TMED3: variants seen among roughly 807,000 people sequenced by gnomAD.
TMED3 encodes the protein transmembrane emp24 domain-containing protein 3.
Under a neutral mutation model 15.0 loss-of-function variants are expected in TMED3, and 9 were observed. The ratio of observed to expected loss-of-function variants is 0.60; its 90% confidence interval spans 0.36 to 1.04. TMED3 has a LOEUF of 1.04. Ranked by LOEUF, TMED3 falls within the 50% of genes least tolerant of loss-of-function variation. The pLI is 0.01. For missense variants in TMED3, 267 were observed against 278.9 expected (o/e 0.96, Z 0.30); for synonymous variants, 117 against 121.4 (o/e 0.96, Z 0.24).
chr15:79,378,637 CTTTCTA>C, intron 2 of TMED3, among the ~76,000 whole-genome samples: 1 of 152,280 alleles, frequency 6.6e-6, no homozygotes, highest in Middle Eastern at 3.4e-3. Context: ...CTAGGGAGGA[CTTTCTA>C]CTATAGGATG....
intron 2 of TMED3, among the ~76,000 whole-genome samples, chr15:79,411,048 C>T (rs891030684): frequency 6.6e-6 from 1 of 152,124 alleles, no homozygotes; most frequent in Non-Finnish European, 1.5e-5. Context: ...AAGAAATTTT[C>T]AGAATTCCAG....
Position 79,411,487 on chromosome 15 carries a change from C to T in TMED3, c.505C>T (p.Arg169Ter), listed in dbSNP as rs143954683. ...AACACCTGCCACCGAGGGACTGGGA[C>T]GACTGGCACCCTCCTAACAGATTTT... The change falls in exon 3 of 3, where the codon CGA (arginine) becomes TGA (stop). Residue 169 changes from arginine (R) to a stop codon, truncating the protein, a stop_gained. Coordinates refer to the TMED3 transcript ENST00000424155. LOFTEE classifies it high-confidence loss of function. 1.1e-3 allele frequency: 767 copies of T among 702,416 alleles called. 3 individuals are homozygous for T. Among genetic ancestry groups the T allele is most frequent in the Non-Finnish European group, 1.5e-3 (579 of 384,960 alleles). The allele number at this position is 702,416 out of a possible 1,614,324, so 43.5% of individuals were successfully genotyped here.
chr15:79,365,825 C>A (rs1006524193), intron 2 of TMED3, among the ~76,000 whole-genome samples: 1 of 152,192 alleles, frequency 6.6e-6, no homozygotes, highest in African/African-American at 2.4e-5. Context: ...TTTTTATTTT[C>A]CTTTCACAGC....
intron 2 of TMED3, among the ~76,000 whole-genome samples, chr15:79,378,795 G>A (rs1390418198): frequency 6.6e-6 from 1 of 152,170 alleles, no homozygotes; most frequent in East Asian, 1.9e-4. Context: ...TGGCCAAAAT[G>A]TAATATGATT....
intron 2 of TMED3, among the ~76,000 whole-genome samples, chr15:79,355,178 C>A (rs2058913928): frequency 6.6e-6 from 1 of 152,106 alleles, no homozygotes; most frequent in Non-Finnish European, 1.5e-5. Context: ...TTAAGTAACT[C>A]CAAAACACTG....
intron 2 of TMED3, among the ~76,000 whole-genome samples, chr15:79,376,337 G>T (rs561380872): frequency 1.3e-5 from 2 of 152,304 alleles, no homozygotes; most frequent in African/African-American, 4.8e-5. Context: ...AGTAGAGGCA[G>T]AGGCCATTAG....
At chr15:79,314,567 G>A (rs1470780107) in intron 2 of TMED3, 1 of 455,504 alleles carries the variant, frequency 2.2e-6, no homozygotes, top group Admixed American at 2.3e-5. Context: ...GCCTGTAGCT[G>A]CCAAAGGAAG....
intron 2 of TMED3, among the ~76,000 whole-genome samples, chr15:79,401,862 G>C (rs1893838372): frequency 6.6e-6 from 1 of 152,166 alleles, no homozygotes; most frequent in Non-Finnish European, 1.5e-5. Context: ...GTTAGCGATT[G>C]AAATCCCATC....
At chr15:79,319,877 T>G (rs2058757457) in intron 2 of TMED3, among the ~76,000 whole-genome samples, 1 of 152,258 alleles carries the variant, frequency 6.6e-6, no homozygotes, top group Non-Finnish European at 1.5e-5. Flanking sequence ...AATTTGCTAC[T>G]GCTATCTAAA....
intron 2 of TMED3, among the ~76,000 whole-genome samples, chr15:79,377,764 A>T (rs1893455246): frequency 6.8e-6 from 1 of 147,692 alleles, no homozygotes; most frequent in Admixed American, 7.0e-5. Flanking sequence ...CGCCTGCCTC[A>T]GCCTCCCGAG....
At chr15:79,391,481 G>A (rs1893693916) in intron 2 of TMED3, among the ~76,000 whole-genome samples, 1 of 152,046 alleles carries the variant, frequency 6.6e-6, no homozygotes, top group Non-Finnish European at 1.5e-5. Flanking sequence ...GGCTCGTTTT[G>A]TGGCCTATCA....
intron 2 of TMED3, among the ~76,000 whole-genome samples, chr15:79,319,186 T>C (rs2058753787): frequency 6.6e-6 from 1 of 152,254 alleles, no homozygotes. Flanking sequence ...ACAGTGATCA[T>C]GCCACCTTTC....
chr15:79,332,644 C>T (rs868589071), intron 2 of TMED3, among the ~76,000 whole-genome samples: 2 of 152,180 alleles, frequency 1.3e-5, no homozygotes, highest in African/African-American at 2.4e-5. Flanking sequence ...AAGGTAAAAC[C>T]GGCAGGCCCA....
intron 2 of TMED3, chr15:79,383,178 C>T: frequency 1.5e-6 from 1 of 682,808 alleles, no homozygotes; most frequent in Non-Finnish European, 2.5e-6. Flanking sequence ...CCAGTTATTG[C>T]TTACGTGGTA....
chr15:79,397,951 A>G (rs1280448944), intron 2 of TMED3, among the ~76,000 whole-genome samples: 1 of 152,226 alleles, frequency 6.6e-6, no homozygotes, highest in Non-Finnish European at 1.5e-5. Context: ...CCAGAGTGGT[A>G]TATTTGTTAT....
intron 2 of TMED3, among the ~76,000 whole-genome samples, chr15:79,348,235 T>C (rs2058878426): frequency 6.6e-6 from 1 of 152,182 alleles, no homozygotes; most frequent in African/African-American, 2.4e-5. Flanking sequence ...GACAGGTCAC[T>C]TGTCACACAG....
chr15:79,354,274 G>C (rs948510192), intron 2 of TMED3, among the ~76,000 whole-genome samples: 7 of 152,070 alleles, frequency 4.6e-5, no homozygotes, highest in African/African-American at 1.7e-4. Flanking sequence ...GGAGTATGGA[G>C]GGCAGAGGAG....
At chr15:79,411,629 C>A in exon 3 of TMED3, 1 of 633,320 alleles carries the variant, frequency 1.6e-6, no homozygotes, top group Non-Finnish European at 2.9e-6. Flanking sequence ...CCCAGTGACT[C>A]CAGGGGAACA....
At chr15:79,410,089 A>G (rs1893953653) in intron 2 of TMED3, among the ~76,000 whole-genome samples, 1 of 152,306 alleles carries the variant, frequency 6.6e-6, no homozygotes, top group East Asian at 1.9e-4. Context: ...TATGCCACCT[A>G]TTCATTAAGT....
Sources: gnomAD v4.1 joint callset for allele counts (sites outside exome capture counted in the v4.1 genomes callset) on GRCh38, gnomAD v4.1.1 for gene constraint, MANE v1.5 for transcripts, NCBI Gene and HGNC (gene_info 2026-07-23, HGNC 2026-07-21) for gene names.